The following APBA1 variants were observed in gnomAD, a reference collection of about 807,000 sequenced individuals.
APBA1 encodes amyloid beta precursor protein binding family A member 1.
Under a neutral mutation model 86.6 loss-of-function variants are expected in APBA1, and 55 were observed. The observed-to-expected ratio is 0.64, with a 90% CI of 0.51 to 0.80. The LOEUF (loss-of-function observed/expected upper bound fraction) is 0.80. APBA1 is among the 30% of genes least tolerant of loss of function. The pLI is 0.00. For synonymous variants in APBA1, 511 were observed against 493.9 expected, an observed-to-expected ratio of 1.03 and a Z score of -0.46; for missense variants, 1,090 against 1,183.0, an observed-to-expected ratio of 0.92 and a Z score of 1.15.
At chr9:69,521,235 C>G (rs1047375589) in intron 1 of APBA1, among the ~76,000 whole-genome samples, 3 of 152,132 alleles carry the variant, frequency 2.0e-5, no homozygotes, top group Admixed American at 6.5e-5. Flanking sequence ...GAGTCCTATT[C>G]CTGGCCAACA....
At chr9:69,433,331 A>G (rs1036664102) in intron 11 of APBA1, among the ~76,000 whole-genome samples, 1 of 152,258 alleles carries the variant, frequency 6.6e-6, no homozygotes, top group Non-Finnish European at 1.5e-5. Flanking sequence ...ACACACTACA[A>G]CATAACTTTT....
chr9:69,596,941 T>C (rs181728832), intron 1 of APBA1, among the ~76,000 whole-genome samples: 47 of 152,336 alleles, frequency 3.1e-4, no homozygotes, highest in Non-Finnish European at 5.7e-4. Context: ...CTGAATTACA[T>C]GCAGCAGCTC....
chr9:69,555,790 G>C (rs111804765), intron 1 of APBA1, among the ~76,000 whole-genome samples: 14 of 152,262 alleles, frequency 9.2e-5, no homozygotes, highest in African/African-American at 3.1e-4. Context: ...AACAGTTTTT[G>C]AGATGCATAC....
At chr9:69,557,089 C>T (rs780482465) in intron 1 of APBA1, among the ~76,000 whole-genome samples, 2 of 152,114 alleles carry the variant, frequency 1.3e-5, no homozygotes, top group Non-Finnish European at 2.9e-5. Flanking sequence ...AGGCTATACA[C>T]CAAATCTAGA....
At chr9:69,450,556 G>A (rs1834989710) in intron 9 of APBA1, among the ~76,000 whole-genome samples, 1 of 152,170 alleles carries the variant, frequency 6.6e-6, no homozygotes, top group Admixed American at 6.5e-5. Context: ...GCTTCCCCCA[G>A]CTGCTGAAGC....
intron 2 of APBA1, 139 bp downstream of exon 2, chr9:69,515,872 G>A (rs1836131720): frequency 3.4e-6 from 3 of 889,688 alleles, no homozygotes; most frequent in Admixed American, 3.1e-5. Context: ...CTGTTTCTGA[G>A]GCTTACGGTG....
chr9:69,658,286 C>CTTTCTTTTTCTT (rs770180947), intron 1 of APBA1, among the ~76,000 whole-genome samples: 6 of 74,184 alleles, frequency 8.1e-5, no homozygotes, highest in Non-Finnish European at 1.5e-4. Flanking sequence ...CTTTCTTTCT[C>CTTTCTTTTTCTT]TCTCTCTTTC....
intron 3 of APBA1, among the ~76,000 whole-genome samples, chr9:69,475,159 G>A (rs1373629317): frequency 6.6e-6 from 1 of 152,196 alleles, no homozygotes; most frequent in Non-Finnish European, 1.5e-5. Flanking sequence ...CTCTGGGGCT[G>A]CCCTTTCTCA....
intron 1 of APBA1, among the ~76,000 whole-genome samples, chr9:69,529,310 C>T (rs965596954): frequency 2.0e-5 from 3 of 152,038 alleles, no homozygotes; most frequent in African/African-American, 7.2e-5. Context: ...AGAACAAAAT[C>T]CACTAAGCAA....
intron 10 of APBA1, among the ~76,000 whole-genome samples, chr9:69,445,433 C>T (rs1023391013): frequency 5.3e-5 from 8 of 152,074 alleles, no homozygotes; most frequent in Non-Finnish European, 1.5e-5. Flanking sequence ...CATTTGGTCC[C>T]CATGACAACA....
chr9:69,515,953 G>A (rs1836133437), intron 2 of APBA1, 58 bp downstream of exon 2: 23 of 1,462,364 alleles, frequency 1.6e-5, no homozygotes, highest in South Asian at 1.4e-4. Context: ...AGGCCATGGG[G>A]CGCCATCTTC....
chr9:69,656,342 A>C (rs1425672725), intron 1 of APBA1, among the ~76,000 whole-genome samples: 1 of 152,256 alleles, frequency 6.6e-6, no homozygotes, highest in Non-Finnish European at 1.5e-5. Context: ...ACAGTAAAAC[A>C]ACCCTAATGT....
At chr9:69,558,013 C>A (rs1588362251) in intron 1 of APBA1, among the ~76,000 whole-genome samples, 1 of 152,158 alleles carries the variant, frequency 6.6e-6, no homozygotes, top group Non-Finnish European at 1.5e-5. Flanking sequence ...ATGTTAGAAT[C>A]TCTGATTATA....
intron 1 of APBA1, among the ~76,000 whole-genome samples, chr9:69,522,340 T>C (rs1836266862): frequency 6.8e-6 from 1 of 146,406 alleles, no homozygotes; most frequent in Non-Finnish European, 1.5e-5. Flanking sequence ...TATAGACTTC[T>C]AGACATTGGC....
chr9:69,538,176 C>T (rs1433524510), intron 1 of APBA1, among the ~76,000 whole-genome samples: 6 of 152,184 alleles, frequency 3.9e-5, no homozygotes. Context: ...TTTCATCTGG[C>T]CACTTGCATG....
intron 1 of APBA1, among the ~76,000 whole-genome samples, chr9:69,522,878 C>T (rs1344118410): frequency 1.3e-5 from 2 of 151,804 alleles, no homozygotes; most frequent in African/African-American, 4.8e-5. Flanking sequence ...ATCTCTCTTC[C>T]TCTACAAAAA....
chr9:69,476,885 C>T (rs148755018), intron 2 of APBA1, among the ~76,000 whole-genome samples: 168 of 152,266 alleles, frequency 1.1e-3, no homozygotes, highest in African/African-American at 3.5e-3. Flanking sequence ...CCCTGCTAGA[C>T]GTGTATAGGA....
intron 2 of APBA1, among the ~76,000 whole-genome samples, chr9:69,485,365 C>A (rs1180068953): frequency 6.6e-6 from 1 of 152,006 alleles, no homozygotes; most frequent in African/African-American, 2.4e-5. Context: ...TTTACAAGAC[C>A]TTTGTCCATT....
At chr9:69,586,878 A>C (rs1822029274) in intron 1 of APBA1, among the ~76,000 whole-genome samples, 1 of 152,212 alleles carries the variant, frequency 6.6e-6, no homozygotes, top group Non-Finnish European at 1.5e-5. Context: ...CTTAGTCAAC[A>C]AAAAAATTCA....
Sources: allele counts gnomAD v4.1 joint callset (sites outside exome capture counted in the v4.1 genomes callset), GRCh38; gene constraint gnomAD v4.1.1; transcripts MANE v1.5; gene names NCBI Gene and HGNC (gene_info 2026-07-23, HGNC 2026-07-21).